IL15RA: variants seen among roughly 807,000 people sequenced by gnomAD.
IL15RA encodes the protein interleukin 15 receptor subunit alpha, also known as interleukin-15 receptor subunit alpha.
Under a neutral mutation model 24.2 loss-of-function variants are expected in IL15RA, and 26 were observed. The ratio of observed to expected loss-of-function variants is 1.07; its 90% CI spans 0.79 to 1.49. The LOEUF is 1.49. IL15RA is among the 40% of genes most tolerant of loss of function. The pLI is 0.00. For missense variants in IL15RA, 354 were observed against 356.4 expected, an observed-to-expected ratio of 0.99 and a Z score of 0.05; for synonymous variants, 166 against 157.6, an observed-to-expected ratio of 1.05 and a Z score of -0.40.
At chr10:5,974,460 T>C (rs1478250061) in intron 1 of IL15RA, among the ~76,000 whole-genome samples, 2 of 152,166 alleles carry the variant, frequency 1.3e-5, no homozygotes, top group Non-Finnish European at 2.9e-5. Flanking sequence ...TGGGTAAAAT[T>C]AAAAAGATTC....
intron 1 of IL15RA, chr10:5,977,114 C>T: frequency 1.4e-5 from 4 of 295,652 alleles, no homozygotes; most frequent in Non-Finnish European, 2.5e-5. Context: ...AAACGGGCTT[C>T]TCAGAACTGC....
At chr10:5,951,960 T>C (rs1833907640), downstream of IL15RA, among the ~76,000 whole-genome samples, 1 of 152,172 alleles carries the variant, frequency 6.6e-6, no homozygotes, top group South Asian at 2.1e-4. Flanking sequence ...GCGCCCAGTG[T>C]CCCAGCTCCT....
In IL15RA at chr10:5,959,053, A is replaced by G. The variant is rs3136626; in HGVS notation, c.616+701T>C. Among the ~76,000 whole-genome samples, 47,521 of 151,216 alleles carry G rather than the reference A, an allele frequency of 0.31. 7,689 individuals are homozygous for G. Among genetic ancestry groups the G allele is most frequent in the African/African-American group, 0.37 (15,405 of 41,150 alleles). On this transcript the variant is annotated intron_variant, in intron 5 of 6. Coordinates refer to ENST00000379977, the MANE Select transcript of IL15RA (RefSeq NM_002189.4). The surrounding 1 kb of genome is among the most constrained non-coding windows in gnomAD (Gnocchi z 4.1). The stretch of plus-strand genomic sequence containing the variant: ...ACGCTTTCCCCTTTTCCTCCTTATC[A>G]TCACTTGCACGTTCTCTTTTCTATT...
chr10:5,959,373 A>G lies in IL15RA; in HGVS notation c.616+381T>C, dbSNP rs1835111738. Among the ~76,000 whole-genome samples, 1 of 151,992 alleles carries G rather than the reference A, an allele frequency of 6.6e-6. No homozygotes were observed. Among genetic ancestry groups the G allele is most frequent in the Non-Finnish European group, 1.5e-5 (1 of 67,984 alleles). On this transcript the variant is annotated intron_variant, in intron 5 of 6. Coordinates refer to ENST00000379977, the MANE Select transcript of IL15RA (RefSeq NM_002189.4). The surrounding 1 kb of genome is among the most constrained non-coding windows in gnomAD (Gnocchi z 4.1). The stretch of plus-strand genomic sequence containing the variant: ...AAGTGCACGGTGCCACGCCCTGGAG[A>G]GGAATTGGCAGCTTCTGGCAGAGAT...
At chr10:5,972,048 T>G (rs1481128838) in intron 1 of IL15RA, among the ~76,000 whole-genome samples, 1 of 152,214 alleles carries the variant, frequency 6.6e-6, no homozygotes, top group Non-Finnish European at 1.5e-5. Flanking sequence ...TGACACCGCC[T>G]GTGTTCAGGA....
rs1252850940 is a variant in IL15RA, at chr10:5,955,988, A to G, written c.692+391T>C. Among the ~76,000 whole-genome samples, 2 of 152,028 alleles carry G rather than the reference A, an allele frequency of 1.3e-5. No homozygotes were observed. The highest frequency in any genetic ancestry group is 2.9e-5 in the Non-Finnish European group (2 of 67,988). On this transcript the variant is annotated intron_variant, in intron 6 of 6. Coordinates refer to ENST00000379977, the MANE Select transcript of IL15RA (RefSeq NM_002189.4). The surrounding 1 kb of genome is among the most constrained non-coding windows in gnomAD (Gnocchi z 5.3). Reference sequence around the variant, plus strand: ...AAAGGCGTCCTTCTTGGGAGGGGGCATTCTGGAATCACTATGGTGGGGCTC... The same window carrying G: ...AAAGGCGTCCTTCTTGGGAGGGGGCGTTCTGGAATCACTATGGTGGGGCTC...
In IL15RA at chr10:5,964,571, G is replaced by A. The variant is rs925745917; in HGVS notation, c.284-730C>T. ...GATCAGAACGTGGAAGGATCCTTTGGGCTAGGTGAAACCTAAAGAGGCCTC... is the reference window on the plus strand; with the variant it reads ...GATCAGAACGTGGAAGGATCCTTTGAGCTAGGTGAAACCTAAAGAGGCCTC... On this transcript the variant is annotated intron_variant, in intron 2 of 6. Coordinates refer to ENST00000379977, the MANE Select transcript of IL15RA (RefSeq NM_002189.4). The surrounding 1 kb of genome is among the most constrained non-coding windows in gnomAD (Gnocchi z 5.6). Among the ~76,000 whole-genome samples, 1 of 152,120 alleles carries A rather than the reference G, an allele frequency of 6.6e-6. No individual in the cohort carries two copies. Among genetic ancestry groups the A allele is most frequent in the African/African-American group, 2.4e-5 (1 of 41,394 alleles).
rs1184663575 is a variant in IL15RA, at chr10:5,965,495, A to C, written c.283+650T>G. On this transcript the variant is annotated intron_variant, in intron 2 of 6. Transcript: ENST00000379977. The surrounding 1 kb of genome is among the most constrained non-coding windows in gnomAD (Gnocchi z 5.8). ...AAATCAAAGCACTACATGTAATAAG[A>C]GTTAATATTTACCAGGGTTCACGCC... Among the ~76,000 whole-genome samples the C allele has an allele frequency of 6.6e-6, 1 of 152,184 alleles. No individual in the cohort carries two copies. The highest frequency in any genetic ancestry group is 2.4e-5 in the African/African-American group (1 of 41,438).
In IL15RA at chr10:5,963,546, C is replaced by T. The variant is rs1398595494; in HGVS notation, c.382+197G>A. ...CACTATTAATTCTGCACATATAACA[C>T]CTGGATATCAAGCAACTTTGATTTG... is the stretch of plus-strand genomic sequence containing the variant. On this transcript the variant is annotated intron_variant, in intron 3 of 6. Transcript: ENST00000379977. This position sits in a 1 kb window ranked among gnomAD's most constrained non-coding sequence, Gnocchi z 5.3. 2.6e-5 allele frequency among the ~76,000 whole-genome samples: 4 copies of T among 152,150 alleles called. No homozygotes were observed. Among genetic ancestry groups the T allele is most frequent in the Non-Finnish European group, 4.4e-5 (3 of 68,032 alleles).
rs1034931496 is a variant in IL15RA, at chr10:5,975,340, G to A, written c.88+2065C>T. 2.0e-5 allele frequency among the ~76,000 whole-genome samples: 3 copies of A among 152,142 alleles called. No homozygotes were observed. The highest frequency in any genetic ancestry group is 7.2e-5 in the African/African-American group (3 of 41,408). ...TGTGAAAAAAGCCAAACAAGAAAGA[G>A]TTCCTACCGTGTAATTCTATTTATA... On this transcript the variant is annotated intron_variant, in intron 1 of 6. Coordinates refer to ENST00000379977, the MANE Select transcript of IL15RA (RefSeq NM_002189.4). The surrounding 1 kb of genome is among the most constrained non-coding windows in gnomAD (Gnocchi z 4.8).
chr10:5,971,478 G>C lies in IL15RA; in HGVS notation c.89-5139C>G, dbSNP rs1837599073. Among the ~76,000 whole-genome samples, 1 of 152,230 alleles carries C rather than the reference G, an allele frequency of 6.6e-6. No homozygotes were observed. The highest frequency in any genetic ancestry group is 1.5e-5 in the Non-Finnish European group (1 of 68,044). ...TAATAAGAGCTGGCAGCCTCGGCCT[G>C]GTTCCATATCCAGAGTTCAGAGGTT... On this transcript the variant is annotated intron_variant, in intron 1 of 6. Transcript: ENST00000379977. This position sits in a 1 kb window ranked among gnomAD's most constrained non-coding sequence, Gnocchi z 5.5.
intron 1 of IL15RA, among the ~76,000 whole-genome samples, chr10:5,976,174 C>T (rs891992816): frequency 6.6e-6 from 1 of 152,104 alleles, no homozygotes; most frequent in Non-Finnish European, 1.5e-5. Context: ...CTGGGAGGAA[C>T]CAACCGGTCA....
In IL15RA at chr10:5,967,211, G is replaced by A. The variant is rs895210905; in HGVS notation, c.89-872C>T. 7.3e-5 allele frequency among the ~76,000 whole-genome samples: 11 copies of A among 151,660 alleles called. No homozygotes were observed. Among genetic ancestry groups the A allele is most frequent in the African/African-American group, 2.7e-4 (11 of 41,070 alleles). On this transcript the variant is annotated intron_variant, in intron 1 of 6. Transcript: ENST00000379977. This position sits in a 1 kb window ranked among gnomAD's most constrained non-coding sequence, Gnocchi z 4.4. Reference sequence around the variant, plus strand: ...GCCTTACCTTGCCTTACCTTGCCTTGCCTTTCTTTTTTGAGACGGAGTTTC... The same window carrying A: ...GCCTTACCTTGCCTTACCTTGCCTTACCTTTCTTTTTTGAGACGGAGTTTC...
At chr10:5,977,355 C>T in intron 1 of IL15RA, 50 bp downstream of exon 1, 1 of 932,018 alleles carries the variant, frequency 1.1e-6, no homozygotes, top group Non-Finnish European at 1.4e-6. Flanking sequence ...GCTCCACGTC[C>T]CGGCCCCCTT....
rs1330627634 is a variant in IL15RA at position 5,958,620 on chromosome 10, C to T, written c.616+1134G>A. On this transcript the variant is annotated intron_variant, in intron 5 of 6. Transcript: ENST00000379977. This position sits in a 1 kb window ranked among gnomAD's most constrained non-coding sequence, Gnocchi z 4.3. ...CAGGCTGGTCTGGGACTCCTGGCCT[C>T]CAGTGATCAGCCCCCCTCGGCCTCC... Among the ~76,000 whole-genome samples the T allele has an allele frequency of 6.6e-6, 1 of 152,150 alleles. No individual in the cohort carries two copies. Among genetic ancestry groups the T allele is most frequent in the African/African-American group, 2.4e-5 (1 of 41,440 alleles).
At position 5,963,574 on chromosome 10, in the gene IL15RA, A is replaced by C. The variant is rs1037379513; in HGVS notation, c.382+169T>G. Among the ~76,000 whole-genome samples the C allele has an allele frequency of 6.6e-6, 1 of 152,248 alleles. No homozygotes were observed. The highest frequency in any genetic ancestry group is 6.5e-5 in the Admixed American group (1 of 15,280). On this transcript the variant is annotated intron_variant, in intron 3 of 6. Coordinates refer to ENST00000379977, the MANE Select transcript of IL15RA (RefSeq NM_002189.4). The surrounding 1 kb of genome is among the most constrained non-coding windows in gnomAD (Gnocchi z 5.3). The stretch of plus-strand genomic sequence containing the variant: ...GGATATCAAGCAACTTTGATTTGAA[A>C]AAGAAAATTAAGTTGGACGTTCTTA...
upstream of IL15RA, chr10:5,977,576 C>T: frequency 7.9e-7 from 1 of 1,258,580 alleles, no homozygotes; most frequent in Non-Finnish European, 1.0e-6. Flanking sequence ...TGCTCTGGGA[C>T]CTGCCGCCCC....
intron 5 of IL15RA, among the ~76,000 whole-genome samples, chr10:5,957,194 C>T (rs1200789540): frequency 6.6e-6 from 1 of 152,008 alleles, no homozygotes; most frequent in African/African-American, 2.4e-5. Flanking sequence ...CTCCTGACCT[C>T]AAGTGATCCA....
chr10:5,977,601 C>T (rs1415849092), upstream of IL15RA: 5 of 1,258,974 alleles, frequency 4.0e-6, no homozygotes, highest in Middle Eastern at 2.1e-4. Context: ...GTCGCATTCG[C>T]TTTCGCTTTT....
Sources: allele counts gnomAD v4.1 joint callset (sites outside exome capture counted in the v4.1 genomes callset), GRCh38; gene constraint gnomAD v4.1.1; non-coding constraint Gnocchi (gnomAD v3.1); transcripts MANE v1.5; gene names NCBI Gene and HGNC (gene_info 2026-07-23, HGNC 2026-07-21).